SOX5: variants seen among roughly 807,000 people sequenced by gnomAD.
The protein encoded by SOX5 is transcription factor SOX-5.
SOX5 carries 9 observed loss-of-function variants against 92.0 expected under a neutral mutation model. The ratio of observed to expected loss-of-function variants is 0.10; its 90% CI spans 0.06 to 0.17. The LOEUF (loss-of-function observed/expected upper bound fraction) is 0.17. Ranked by LOEUF, SOX5 falls within the 10% of genes least tolerant of loss-of-function variation. SOX5 has a pLI of 1.00. For missense variants in SOX5, 642 were observed against 944.5 expected (o/e 0.68, Z 4.20); for synonymous variants, 344 against 336.3 (o/e 1.02, Z -0.25).
intron 1 of SOX5, among the ~76,000 whole-genome samples, chr12:24,497,361 G>C (rs1343294624): frequency 6.6e-6 from 1 of 152,190 alleles, no homozygotes; most frequent in African/African-American, 2.4e-5. Context: ...ACCTTCCTAA[G>C]ATGCCAGGCA....
At chr12:23,620,653 C>T (rs1300060475) in intron 8 of SOX5, among the ~76,000 whole-genome samples, 1 of 152,036 alleles carries the variant, frequency 6.6e-6, no homozygotes, top group Non-Finnish European at 1.5e-5. Context: ...TACCCCAACA[C>T]ATATAACTCA....
intron 2 of SOX5, among the ~76,000 whole-genome samples, chr12:24,307,089 T>A (rs1015763446): frequency 1.3e-5 from 2 of 151,856 alleles, no homozygotes; most frequent in East Asian, 3.9e-4. Flanking sequence ...CAAAAAAAAA[T>A]TAGCTAGGCA....
chr12:24,428,437 G>T (rs2137019290), intron 1 of SOX5, among the ~76,000 whole-genome samples: 1 of 152,058 alleles, frequency 6.6e-6, no homozygotes, highest in East Asian at 1.9e-4. Context: ...AGATCAACTA[G>T]ACTTGGAAAA....
chr12:24,339,140 T>TC (rs1952261734), intron 2 of SOX5, among the ~76,000 whole-genome samples: 2 of 125,964 alleles, frequency 1.6e-5, no homozygotes, highest in African/African-American at 3.0e-5. Flanking sequence ...CTGTCTCTGT[T>TC]TCTCTCTCTC....
chr12:23,708,014 C>CA (rs2091622683), intron 6 of SOX5, among the ~76,000 whole-genome samples: 2 of 151,294 alleles, frequency 1.3e-5, no homozygotes, highest in South Asian at 2.1e-4. Flanking sequence ...GGTGCGAAAA[C>CA]AAAAAAATAA....
intron 4 of SOX5, among the ~76,000 whole-genome samples, chr12:24,014,885 T>C (rs1953401239): frequency 1.3e-5 from 2 of 152,182 alleles, no homozygotes; most frequent in African/African-American, 4.8e-5. Context: ...AAGTGCTTTT[T>C]GGGAGAAGGG....
chr12:23,672,436 T>C (rs1341885015), intron 6 of SOX5, among the ~76,000 whole-genome samples: 1 of 152,052 alleles, frequency 6.6e-6, no homozygotes, highest in Non-Finnish European at 1.5e-5. Flanking sequence ...TTCCTCCTCC[T>C]CCCTGTCACC....
intron 4 of SOX5, among the ~76,000 whole-genome samples, chr12:24,187,675 C>G (rs1244677218): frequency 6.6e-6 from 1 of 152,178 alleles, no homozygotes; most frequent in African/African-American, 2.4e-5. Flanking sequence ...ATCACCCCTT[C>G]CTAACATGTT....
intron 1 of SOX5, among the ~76,000 whole-genome samples, chr12:24,544,287 A>G (rs1265727759): frequency 6.6e-6 from 1 of 152,240 alleles, no homozygotes; most frequent in African/African-American, 2.4e-5. Flanking sequence ...TAAAATTCCA[A>G]AAAGATGGGT....
intron 4 of SOX5, among the ~76,000 whole-genome samples, chr12:24,111,406 T>C (rs1286193828): frequency 6.6e-6 from 1 of 152,330 alleles, no homozygotes; most frequent in East Asian, 1.9e-4. Context: ...TTACCAAGTC[T>C]GACTAAAACA....
intron 4 of SOX5, among the ~76,000 whole-genome samples, chr12:24,130,571 C>T (rs1949549000): frequency 1.3e-5 from 2 of 152,034 alleles, no homozygotes; most frequent in Non-Finnish European, 2.9e-5. Flanking sequence ...GGAGGAGCAG[C>T]AAAGGAAAAA....
At chr12:24,526,552 T>C (rs1426325501) in intron 1 of SOX5, among the ~76,000 whole-genome samples, 2 of 151,976 alleles carry the variant, frequency 1.3e-5, no homozygotes, top group Non-Finnish European at 2.9e-5. Flanking sequence ...CTGGAAGAAA[T>C]AGGAAACAAG....
chr12:23,715,029 T>C (rs1470234171), intron 6 of SOX5, among the ~76,000 whole-genome samples: 1 of 152,058 alleles, frequency 6.6e-6, no homozygotes, highest in African/African-American at 2.4e-5. Flanking sequence ...GCATAGAGTT[T>C]CCTATGTTTT....
chr12:24,479,556 A>C (rs1945747334), intron 1 of SOX5, among the ~76,000 whole-genome samples: 1 of 152,252 alleles, frequency 6.6e-6, no homozygotes, highest in Non-Finnish European at 1.5e-5. Context: ...CCAAATCTGA[A>C]GTCCATAAGA....
At chr12:24,287,834 C>A (rs1176037800) in intron 2 of SOX5, among the ~76,000 whole-genome samples, 1 of 151,998 alleles carries the variant, frequency 6.6e-6, no homozygotes, top group Non-Finnish European at 1.5e-5. Context: ...CAGAAAAATT[C>A]TTACGAGACC....
chr12:24,046,546 TA>T (rs141153506), intron 4 of SOX5, among the ~76,000 whole-genome samples: 1,970 of 152,024 alleles, frequency 0.013, 42 homozygotes, highest in African/African-American at 0.043. Context: ...TGGTTTGACA[TA>T]AAAATATAAG....
At chr12:23,912,687 A>C (rs2097364438) in intron 1 of SOX5, among the ~76,000 whole-genome samples, 1 of 152,232 alleles carries the variant, frequency 6.6e-6, no homozygotes, top group South Asian at 2.1e-4. Flanking sequence ...TACATGCTAC[A>C]AAACTGATGA....
At chr12:23,923,203 G>A (rs778784038) in intron 1 of SOX5, among the ~76,000 whole-genome samples, 1 of 151,934 alleles carries the variant, frequency 6.6e-6, no homozygotes, top group Non-Finnish European at 1.5e-5. Context: ...TGCCCGCCTC[G>A]GCCTCCCAAA....
intron 11 of SOX5, among the ~76,000 whole-genome samples, chr12:23,557,678 T>A (rs1485694441): frequency 1.3e-5 from 2 of 152,180 alleles, no homozygotes; most frequent in East Asian, 3.9e-4. Flanking sequence ...AGACAAGGTA[T>A]AAGAACCTGG....
Sources: gnomAD v4.1 joint callset for allele counts (sites outside exome capture counted in the v4.1 genomes callset) on GRCh38, gnomAD v4.1.1 for gene constraint, MANE v1.5 for transcripts, NCBI Gene and HGNC (gene_info 2026-07-23, HGNC 2026-07-21) for gene names.